Variants in GXYLT1 observed in about 807,000 individuals in gnomAD.
The protein encoded by GXYLT1 is glycosyltransferase 8 domain containing 3.
A neutral mutation model predicts 54.0 loss-of-function variants in GXYLT1; 29 were observed. The observed-to-expected ratio is 0.54, with a 90% CI of 0.40 to 0.73. The LOEUF is 0.73. Ranked by LOEUF, GXYLT1 falls within the 30% of genes least tolerant of loss-of-function variation. GXYLT1 has a pLI of 0.00. For synonymous variants in GXYLT1, 176 were observed against 204.1 expected, an observed-to-expected ratio of 0.86 and a Z score of 1.17; for missense variants, 490 against 553.4, an observed-to-expected ratio of 0.89 and a Z score of 1.15.
At chr12:42,133,185 G>A (rs1486674418) in intron 1 of GXYLT1, among the ~76,000 whole-genome samples, 1 of 152,108 alleles carries the variant, frequency 6.6e-6, no homozygotes, top group Non-Finnish European at 1.5e-5. Flanking sequence ...GGCTGAGGCA[G>A]GAGAATCGCT....
chr12:42,144,202 T>C (rs2065666648), intron 1 of GXYLT1, among the ~76,000 whole-genome samples: 1 of 152,244 alleles, frequency 6.6e-6, no homozygotes, highest in Non-Finnish European at 1.5e-5. Context: ...AAAGGGCGCA[T>C]GACTGGGTCA....
intron 7 of GXYLT1, among the ~76,000 whole-genome samples, chr12:42,088,411 G>A (rs555317196): frequency 6.6e-6 from 1 of 152,204 alleles, no homozygotes; most frequent in South Asian, 2.1e-4. Context: ...AGTTCAGCAT[G>A]TCCCACAGAA....
intron 7 of GXYLT1, 27 bp downstream of exon 7, chr12:42,097,415 T>A (rs377269156): frequency 1.8e-5 from 27 of 1,518,706 alleles, no homozygotes; most frequent in Admixed American, 2.5e-5. Flanking sequence ...AAACAAAAAG[T>A]TAAAAAAAAG....
At chr12:42,099,813 T>G (rs1246930055) in intron 5 of GXYLT1, among the ~76,000 whole-genome samples, 1 of 152,184 alleles carries the variant, frequency 6.6e-6, no homozygotes, top group Admixed American at 6.5e-5. Flanking sequence ...ATTGTGCCAC[T>G]GCACTCCGGC....
intron 7 of GXYLT1, among the ~76,000 whole-genome samples, chr12:42,088,255 G>C (rs1398338588): frequency 6.6e-6 from 1 of 151,494 alleles, no homozygotes. Flanking sequence ...ACTAATAAAA[G>C]GTGGACTGGC....
intron 3 of GXYLT1, among the ~76,000 whole-genome samples, chr12:42,111,229 A>G (rs1449114520): frequency 6.6e-6 from 1 of 152,232 alleles, no homozygotes; most frequent in African/African-American, 2.4e-5. Flanking sequence ...TGATTTCTGC[A>G]TTTCCAACTG....
At chr12:42,134,764 T>G (rs2065610452) in intron 1 of GXYLT1, among the ~76,000 whole-genome samples, 1 of 152,236 alleles carries the variant, frequency 6.6e-6, no homozygotes, top group Non-Finnish European at 1.5e-5. Context: ...TGAAGAACAG[T>G]TAATGACATG....
intron 7 of GXYLT1, among the ~76,000 whole-genome samples, chr12:42,088,866 G>A (rs117596947): frequency 6.8e-5 from 3 of 44,050 alleles, no homozygotes; most frequent in East Asian, 2.0e-3. Context: ...TCACTAGCAC[G>A]CTGAGGGAGA....
intron 1 of GXYLT1, among the ~76,000 whole-genome samples, chr12:42,139,189 C>T (rs1477695585): frequency 1.3e-5 from 2 of 151,728 alleles, no homozygotes; most frequent in Non-Finnish European, 2.9e-5. Context: ...CAGAGTGAAA[C>T]CTTGTCTCAG....
In GXYLT1 at chr12:42,097,863, T is replaced by C. The variant is rs778681810; in HGVS notation, c.988+47A>G. 5 of 1,395,942 alleles carry C rather than the reference T, an allele frequency of 3.6e-6. No individual in the cohort carries two copies. In the East Asian group the frequency reaches 1.1e-4, roughly 32 times the overall value. 86.5% of individuals were successfully genotyped at this position (1,395,942 alleles called of 1,614,324 possible). A position where few individuals can be genotyped will look rare whatever the true frequency, so the allele number is the denominator to read the frequency against. On this transcript the variant is annotated intron_variant, in intron 6 of 7. Transcript: ENST00000398675. ...GCATGTTTTCCTTTTTCACTAAGTA[T>C]TATCTGTGATTTTTTTAATGCAAAT... is the stretch of plus-strand genomic sequence containing the variant.
chr12:42,092,548 C>T (rs780954529), intron 7 of GXYLT1, among the ~76,000 whole-genome samples: 1 of 151,994 alleles, frequency 6.6e-6, no homozygotes, highest in African/African-American at 2.4e-5. Context: ...CATCAATCCA[C>T]CCCAATTACA....
chr12:42,093,497 T>A (rs2065339799), intron 7 of GXYLT1, among the ~76,000 whole-genome samples: 1 of 152,024 alleles, frequency 6.6e-6, no homozygotes, highest in Non-Finnish European at 1.5e-5. Flanking sequence ...AAACAGGCTA[T>A]AAAGAGGGAG....
At chr12:42,094,257 G>C (rs1018838677) in intron 7 of GXYLT1, among the ~76,000 whole-genome samples, 7 of 151,720 alleles carry the variant, frequency 4.6e-5, no homozygotes, top group African/African-American at 1.7e-4. Flanking sequence ...GGGAGGCTGT[G>C]GGAGGATCAA....
Position 42,086,555 on chromosome 12 carries a change from T to C in GXYLT1, c.*1231A>G, listed in dbSNP as rs1363643202. On this transcript the variant is annotated 3_prime_UTR_variant, in exon 8 of 8. Transcript: ENST00000398675. ...ATAAGATATGTGCCCCAGCATAGTA[T>C]ATGCTAAGTATTCAGAATCTATAGT... is the stretch of plus-strand genomic sequence containing the variant. 5 of 150,780 alleles carry C rather than the reference T, an allele frequency of 3.3e-5. No individual in the cohort carries two copies. In the East Asian group the frequency reaches 9.7e-4, roughly 29 times the overall value. The allele number at this position is 150,780 out of a possible 1,614,324, so 9.3% of individuals were successfully genotyped here.
At chr12:42,133,521 T>C (rs539172135) in intron 1 of GXYLT1, among the ~76,000 whole-genome samples, 22 of 152,142 alleles carry the variant, frequency 1.4e-4, no homozygotes, top group African/African-American at 4.8e-4. Context: ...CAGCCTCCAC[T>C]GAGCTCCTAG....
intron 1 of GXYLT1, among the ~76,000 whole-genome samples, chr12:42,142,555 G>A (rs1282473436): frequency 6.6e-6 from 1 of 151,870 alleles, no homozygotes; most frequent in African/African-American, 2.4e-5. Flanking sequence ...GACGAGGCTG[G>A]TGTCAAACTC....
chr12:42,114,396 G>A (rs1435012633), intron 3 of GXYLT1, among the ~76,000 whole-genome samples: 1 of 151,988 alleles, frequency 6.6e-6, no homozygotes, highest in African/African-American at 2.4e-5. Context: ...GACTAACAAA[G>A]AAGAAAAGAG....
Position 42,106,043 on chromosome 12 carries a change from T to C in GXYLT1, c.639A>G (p.Leu213=), listed in dbSNP as rs1340543287. 6 of 1,607,544 alleles carry C rather than the reference T, an allele frequency of 3.7e-6. No individual in the cohort carries two copies. Among genetic ancestry groups the C allele is most frequent in the Non-Finnish European group, 5.1e-6 (6 of 1,174,506 alleles). ...AAAGGATATCAGTGTCGACATACAA[T>C]AGTGAGTCAACTTCTTTCAGGATTA... ...LPLILKEVDS[L]LYVDTDILFL... Residue 213 remains leucine (L), a synonymous_variant, in exon 5 of 8, where the codon CTA becomes CTG. Transcript: ENST00000398675.
intron 3 of GXYLT1, among the ~76,000 whole-genome samples, chr12:42,112,289 G>C (rs2065462607): frequency 2.0e-5 from 3 of 152,236 alleles, no homozygotes; most frequent in Non-Finnish European, 4.4e-5. Context: ...AACAAAGCTA[G>C]ATGGAGAATG....
Sources: allele counts gnomAD v4.1 joint callset (sites outside exome capture counted in the v4.1 genomes callset), GRCh38; gene constraint gnomAD v4.1.1; transcripts MANE v1.5; gene names NCBI Gene and HGNC (gene_info 2026-07-23, HGNC 2026-07-21).